The following PSG5 variants were observed in gnomAD, a reference collection of about 807,000 sequenced individuals.
The protein encoded by PSG5 is pregnancy specific beta-1-glycoprotein 5.
Under a neutral mutation model 37.7 loss-of-function variants are expected in PSG5, and 53 were observed. The observed-to-expected ratio is 1.41, with a 90% CI of 1.13 to 1.77. PSG5 has a LOEUF of 1.77. Among genes scored for constraint, PSG5 ranks in the 40% most tolerant of loss-of-function variants. The pLI is 0.00. For synonymous variants in PSG5, 221 were observed against 155.4 expected (o/e 1.42, Z -3.14); for missense variants, 547 against 405.2 (o/e 1.35, Z -3.00).
chr19:43,172,407 T>C (rs1968925622), intron 4 of PSG5, among the ~76,000 whole-genome samples: 1 of 151,416 alleles, frequency 6.6e-6, no homozygotes, highest in Non-Finnish European at 1.5e-5. Flanking sequence ...TAGGCAAGAA[T>C]TGAAAAAAAG....
At chr19:43,185,965 CTTTTTTCTT>C (rs768392291) in intron 1 of PSG5, among the ~76,000 whole-genome samples, 6 of 150,478 alleles carry the variant, frequency 4.0e-5, no homozygotes, top group Non-Finnish European at 7.4e-5. Flanking sequence ...CCTTTTTTTT[CTTTTTTCTT>C]TTTTTTCTTT....
Position 43,173,878 on chromosome 19 carries a change from T to C in PSG5, c.964+1337A>G, listed in dbSNP as rs367741717. On this transcript the variant is annotated intron_variant, in intron 4 of 5. Transcript: ENST00000342951. ...ATTCCACTTCTGGACAAACTCCCCA[T>C]AGAAATGAAAAAAAATTGAACAAAT... 3.3e-5 allele frequency among the ~76,000 whole-genome samples: 5 copies of C among 151,358 alleles called. No homozygotes were observed. The East Asian group carries it at 9.7e-4, about 29-fold the overall frequency.
Position 43,186,407 on chromosome 19 carries a change from G to GTC in PSG5, c.-4_-3dup. On this transcript the variant is annotated 5_prime_UTR_variant, in exon 1 of 6. Coordinates refer to ENST00000342951, the MANE Select transcript of PSG5 (RefSeq NM_002781.4). ...GGGAGGGGCTGAGAGGGGCCCCATG[G>GTC]TCTCTGCGCCTGCGTGTTCTCCTCT... is the stretch of plus-strand genomic sequence containing the variant. The GTC allele has an allele frequency of 6.2e-7, 1 of 1,612,200 alleles. No individual in the cohort carries two copies. The highest frequency in any genetic ancestry group is 1.1e-5 in the South Asian group (1 of 91,028).
At chr19:43,175,729 A>G in intron 3 of PSG5, 141 bp downstream of exon 3, 1 of 1,494,774 alleles carries the variant, frequency 6.7e-7, no homozygotes, top group Non-Finnish European at 9.0e-7. Context: ...AGGTTTTCCA[A>G]GGGCAGGGAG....
chr19:43,175,988 A>G lies in PSG5; in HGVS notation c.591T>C (p.Ile197=). Reference sequence around the variant, plus strand: ...TGGGTAGAATGAGGATCCTGTTTTCAATGGGTCGCTTTACCCTGGGACTGA... The same window carrying G: ...TGGGTAGAATGAGGATCCTGTTTTCGATGGGTCGCTTTACCCTGGGACTGA... ...LPVSPRVKRP[I]ENRILILPSV... The change falls in exon 3 of 6, where the codon ATT becomes ATC. Residue 197 remains isoleucine, a synonymous_variant. Coordinates refer to ENST00000342951, the MANE Select transcript of PSG5 (RefSeq NM_002781.4). 1 of 1,611,556 alleles carries G rather than the reference A, an allele frequency of 6.2e-7. No individual in the cohort carries two copies. Among genetic ancestry groups the G allele is most frequent in the Non-Finnish European group, 8.5e-7 (1 of 1,179,144 alleles).
At chr19:43,175,192 C>A (rs1437942168) in intron 4 of PSG5, 23 bp downstream of exon 4, 1 of 1,612,432 alleles carries the variant, frequency 6.2e-7, no homozygotes, top group South Asian at 1.1e-5. Context: ...ACCCTATTGC[C>A]AAGGATGCTG....
At position 43,175,946 on chromosome 19, in the gene PSG5, T is replaced by G; in HGVS notation, c.633A>C (p.Glu211Asp). ...GTATTTCACATTCATAGGGTCCTGT[T>G]TCATTTCTCGTGACACTGGGTAGAA... ...ILILPSVTRN[E>D]TGPYECEIRD... Residue 211 changes from glutamate (E) to aspartate (D), a missense_variant, in exon 3 of 6, where the codon GAA becomes GAC. Glu to Asp is a conservative substitution (Grantham distance 45, BLOSUM62 2). Transcript: ENST00000342951. The G allele has an allele frequency of 6.2e-7, 1 of 1,612,422 alleles. No homozygotes were observed. Among genetic ancestry groups the G allele is most frequent in the Non-Finnish European group, 8.5e-7 (1 of 1,179,178 alleles).
rs970621236 is a variant in PSG5 at position 43,176,474 on chromosome 19, C to T, written c.431-326G>A. On this transcript the variant is annotated intron_variant, in intron 2 of 5. Transcript: ENST00000342951. The stretch of plus-strand genomic sequence containing the variant: ...TAATCAGTTGACTGGCTGGCTCACC[C>T]TGGGTTCCTTACCTGGAATGTGCAA... 1.4e-4 allele frequency among the ~76,000 whole-genome samples: 21 copies of T among 151,654 alleles called. 1 individual carries two copies. Among genetic ancestry groups the T allele is most frequent in the African/African-American group, 4.6e-4 (19 of 41,200 alleles).
At position 43,185,622 on chromosome 19, in the gene PSG5, A is replaced by T. The variant is rs191937894; in HGVS notation, c.65-475T>A. On this transcript the variant is annotated intron_variant, in intron 1 of 5. Transcript: ENST00000342951. ...GCATGTCTGTCTTCCTCCCCATGAC[A>T]GCGTGAGCTCTGTGAGGACAGGGAC... 1.7e-3 allele frequency among the ~76,000 whole-genome samples: 253 copies of T among 151,546 alleles called. 7 individuals are homozygous for T. The highest frequency in any genetic ancestry group is 5.7e-3 in the African/African-American group (233 of 41,162).
intron 1 of PSG5, among the ~76,000 whole-genome samples, chr19:43,185,414 A>T (rs1356595155): frequency 8.6e-6 from 1 of 116,612 alleles, no homozygotes; most frequent in Non-Finnish European, 1.7e-5. Flanking sequence ...CCTCTTCCCC[A>T]GGGGTCCACA....
Position 43,186,325 on chromosome 19 carries a change from G to T in PSG5, c.64+17C>A. On this transcript the variant is annotated intron_variant, in intron 1 of 5. Coordinates refer to ENST00000342951, the MANE Select transcript of PSG5 (RefSeq NM_002781.4). ...TTCTTCCTCCTCCTGTCCTCTCCCA[G>T]GAAGTTCTCTCCTCACCTGTGAGCA... 6.2e-7 allele frequency: 1 copy of T among 1,611,644 alleles called. No homozygotes were observed. The highest frequency in any genetic ancestry group is 8.5e-7 in the Non-Finnish European group (1 of 1,178,454).
chr19:43,182,274 T>G (rs988659148), intron 2 of PSG5, among the ~76,000 whole-genome samples: 1 of 151,744 alleles, frequency 6.6e-6, no homozygotes, highest in African/African-American at 2.4e-5. Context: ...GTTGGCACAG[T>G]TTCTATAATT....
rs1568377870 is a variant in PSG5 at position 43,186,366 on chromosome 19, T to A, written c.40A>T (p.Thr14Ser). 1 of 1,612,176 alleles carries A rather than the reference T, an allele frequency of 6.2e-7. No homozygotes were observed. The highest frequency in any genetic ancestry group is 8.5e-7 in the Non-Finnish European group (1 of 1,178,950). The change falls in exon 1 of 6, where the codon ACC becomes TCC. Residue 14 changes from threonine to serine, a missense_variant. Coordinates refer to ENST00000342951, the MANE Select transcript of PSG5 (RefSeq NM_002781.4). ...LSAPPCTQHI[T>S]WKGLLLTASL... The stretch of plus-strand genomic sequence containing the variant: ...CCTGTGAGCAGGAGCCCCTTCCAGG[T>A]GATGTGCTGTGTGCAGGGAGGGGCT...
chr19:43,178,745 A>G (rs1392090264), intron 2 of PSG5: 1 of 1,590,724 alleles, frequency 6.3e-7, no homozygotes, highest in Non-Finnish European at 8.6e-7. Flanking sequence ...CCTGGGGCAG[A>G]AAGTCATGGC....
chr19:43,176,021 G>T lies in PSG5; in HGVS notation c.558C>A (p.Ser186Arg). ...YTYIWWLNGQ[S>R]LPVSPRVKRP... Reference sequence around the variant, plus strand: ...GCTTTACCCTGGGACTGACCGGGAGGCTCTGACCATTTAGCCACCAAATGT... The same window carrying T: ...GCTTTACCCTGGGACTGACCGGGAGTCTCTGACCATTTAGCCACCAAATGT... Residue 186 changes from serine (S) to arginine (R), a missense_variant, in exon 3 of 6, where the codon AGC becomes AGA. Transcript: ENST00000342951. 1.2e-6 allele frequency: 2 copies of T among 1,611,150 alleles called. No homozygotes were observed. The highest frequency in any genetic ancestry group is 1.7e-6 in the Non-Finnish European group (2 of 1,179,196).
chr19:43,182,430 T>C (rs530066130), intron 2 of PSG5, among the ~76,000 whole-genome samples: 5 of 151,690 alleles, frequency 3.3e-5, no homozygotes, highest in East Asian at 3.9e-4. Context: ...CTGACCTCAT[T>C]CATACCTATG....
chr19:43,176,288 G>A (rs1235607638), intron 2 of PSG5, 140 bp from the exon 3 acceptor site: 2 of 1,430,008 alleles, frequency 1.4e-6, no homozygotes, highest in Non-Finnish European at 1.9e-6. Flanking sequence ...TGTGTCACAA[G>A]ATAGATGCAT....
chr19:43,179,533 T>G (rs556031146), intron 2 of PSG5, among the ~76,000 whole-genome samples: 1 of 151,766 alleles, frequency 6.6e-6, no homozygotes, highest in African/African-American at 2.4e-5. Flanking sequence ...AGTTTCAGTC[T>G]TACTTTGTCC....
chr19:43,175,146 A>C lies in PSG5; in HGVS notation c.964+69T>G, dbSNP rs577950736. ...AGGCTGGGAATAAAAATGTTTTCCT[A>C]ACTCTTCTCTGAAAGCCAGGTAGAC... is the stretch of plus-strand genomic sequence containing the variant. On this transcript the variant is annotated intron_variant, in intron 4 of 5. Coordinates refer to ENST00000342951, the MANE Select transcript of PSG5 (RefSeq NM_002781.4). 2.5e-5 allele frequency: 40 copies of C among 1,610,596 alleles called. No individual in the cohort carries two copies. The South Asian group carries it at 3.3e-4, about 13-fold the overall frequency.
Sources: allele counts gnomAD v4.1 joint callset (sites outside exome capture counted in the v4.1 genomes callset), GRCh38; gene constraint gnomAD v4.1.1; transcripts MANE v1.5; gene names NCBI Gene and HGNC (gene_info 2026-07-23, HGNC 2026-07-21).